SLC13A3: variants seen among roughly 807,000 people sequenced by gnomAD.
SLC13A3 encodes the protein solute carrier family 13 member 3.
SLC13A3 carries 40 observed loss-of-function variants against 59.0 expected under a neutral mutation model. The observed-to-expected ratio is 0.68, with a 90% CI of 0.53 to 0.88. The LOEUF (loss-of-function observed/expected upper bound fraction) is 0.88. SLC13A3 is among the 40% of genes least tolerant of loss of function. The pLI is 0.00. For missense variants in SLC13A3, 699 were observed against 783.2 expected (o/e 0.89, Z 1.28); for synonymous variants, 317 against 330.3 (o/e 0.96, Z 0.44).
chr20:46,607,304 T>C (rs2122730566), intron 3 of SLC13A3, among the ~76,000 whole-genome samples: 2 of 152,318 alleles, frequency 1.3e-5, no homozygotes, highest in South Asian at 4.1e-4. Context: ...GTGCTACAGA[T>C]GTCCTTCATG....
At chr20:46,639,789 A>G (rs1345627593) in intron 1 of SLC13A3, among the ~76,000 whole-genome samples, 2 of 152,228 alleles carry the variant, frequency 1.3e-5, no homozygotes, top group Non-Finnish European at 2.9e-5. Flanking sequence ...GTCAATGGCT[A>G]TGAGATGCTG....
At chr20:46,583,262 T>G (rs185065670) in intron 9 of SLC13A3, 4 of 626,982 alleles carry the variant, frequency 6.4e-6, no homozygotes, top group Middle Eastern at 6.5e-4. Context: ...CTTTCACATG[T>G]AGTAAAATGT....
intron 1 of SLC13A3, among the ~76,000 whole-genome samples, chr20:46,658,846 G>A (rs547066606): frequency 3.3e-5 from 5 of 152,276 alleles, no homozygotes; most frequent in African/African-American, 1.2e-4. Context: ...GTTATTAAAT[G>A]TGAACACACT....
At chr20:46,664,421 A>G (rs1304518180) in intron 1 of SLC13A3, among the ~76,000 whole-genome samples, 1 of 152,148 alleles carries the variant, frequency 6.6e-6, no homozygotes, top group African/African-American at 2.4e-5. Context: ...TAATATTTGA[A>G]TACCTACCAG....
chr20:46,585,310 T>C, intron 8 of SLC13A3: 2 of 994,536 alleles, frequency 2.0e-6, no homozygotes, highest in South Asian at 9.0e-5. Context: ...TGATGATCTC[T>C]GGGCAGTGGG....
At chr20:46,676,550 C>T (rs1182145765) in intron 1 of SLC13A3, among the ~76,000 whole-genome samples, 1 of 151,782 alleles carries the variant, frequency 6.6e-6, no homozygotes, top group East Asian at 1.9e-4. Context: ...CCACTGCGCC[C>T]GGCCCCTTTT....
In SLC13A3 at chr20:46,578,914, A is replaced by G. The variant is rs868626301; in HGVS notation, c.1220-3229T>C. ...AGAAGTCGTCGTCGTCGTCATCATC[A>G]TCATCATCATCATCATCATCAACTA... On this transcript the variant is annotated intron_variant, in intron 9 of 12. Transcript: ENST00000279027. 2.9e-3 allele frequency among the ~76,000 whole-genome samples: 448 copies of G among 152,090 alleles called. 6 individuals carry two copies. The highest frequency in any genetic ancestry group is 0.01 in the African/African-American group (427 of 41,478).
chr20:46,637,091 G>A (rs181071803), intron 1 of SLC13A3, among the ~76,000 whole-genome samples: 87 of 152,196 alleles, frequency 5.7e-4, no homozygotes, highest in African/African-American at 2.1e-3. Context: ...GAGCCACCGC[G>A]CCCGGCCTGA....
chr20:46,678,942 G>C (rs529397950), intron 1 of SLC13A3, among the ~76,000 whole-genome samples: 1 of 152,074 alleles, frequency 6.6e-6, no homozygotes, highest in East Asian at 1.9e-4. Context: ...AAAGGAGCCC[G>C]GCTCCTCCCC....
intron 1 of SLC13A3, among the ~76,000 whole-genome samples, chr20:46,659,712 TCC>T (rs34518362): frequency 3.8e-5 from 3 of 78,590 alleles, no homozygotes; most frequent in Non-Finnish European, 5.2e-5. Context: ...TGAGACCCTA[TCC>T]CCCCCCCCCA....
Position 46,588,118 on chromosome 20 carries a change from G to T in SLC13A3, c.1062C>A (p.Ile354=), listed in dbSNP as rs367989464. Residue 354 remains isoleucine, a synonymous_variant, in exon 8 of 13, where the codon ATC becomes ATA. Coordinates refer to ENST00000279027, the MANE Select transcript of SLC13A3 (RefSeq NM_022829.6). The part of the protein sequence containing the change: ...AVFILFCMFA[I]LLFTRDPKFI... ...ACTTCGGGTCCCGGGTGAAGAGGAG[G>T]ATGGCAAACATGCAGAAAAGGATGA... is the stretch of plus-strand genomic sequence containing the variant. 4.3e-6 allele frequency: 7 copies of T among 1,613,182 alleles called. No individual in the cohort carries two copies. Among genetic ancestry groups the T allele is most frequent in the Non-Finnish European group, 5.9e-6 (7 of 1,179,552 alleles).
chr20:46,644,721 G>C (rs952859231), intron 1 of SLC13A3, among the ~76,000 whole-genome samples: 8 of 152,120 alleles, frequency 5.3e-5, no homozygotes, highest in Non-Finnish European at 1.0e-4. Context: ...CCAAAGCCTG[G>C]AACCTTTTTG....
At chr20:46,567,236 T>C (rs2061989092) in intron 10 of SLC13A3, among the ~76,000 whole-genome samples, 1 of 152,096 alleles carries the variant, frequency 6.6e-6, no homozygotes, top group Admixed American at 6.5e-5. Flanking sequence ...CATACAGTAA[T>C]AAGGATAATT....
intron 3 of SLC13A3, chr20:46,609,082 T>C: frequency 1.3e-6 from 2 of 1,548,436 alleles, no homozygotes; most frequent in Non-Finnish European, 1.7e-6. Context: ...GAAGAATCAA[T>C]GCCGGGGTTA....
At chr20:46,602,123 G>A (rs377360387) in intron 3 of SLC13A3, among the ~76,000 whole-genome samples, 61 of 152,154 alleles carry the variant, frequency 4.0e-4, no homozygotes, top group African/African-American at 1.1e-3. Context: ...TGCTTGAGCC[G>A]AGAGTTTGAA....
intron 1 of SLC13A3, among the ~76,000 whole-genome samples, chr20:46,617,979 T>C (rs1450070633): frequency 2.6e-5 from 4 of 152,246 alleles, no homozygotes; most frequent in African/African-American, 7.2e-5. Flanking sequence ...GAGTCCTCGG[T>C]GGAGATTATA....
At chr20:46,585,709 G>A (rs1329506154) in intron 8 of SLC13A3, 2 of 1,298,418 alleles carry the variant, frequency 1.5e-6, no homozygotes, top group Non-Finnish European at 2.0e-6. Flanking sequence ...CACATTTTCT[G>A]TATTGTTGAA....
intron 3 of SLC13A3, among the ~76,000 whole-genome samples, chr20:46,608,529 A>G (rs2062459109): frequency 6.6e-6 from 1 of 152,180 alleles, no homozygotes; most frequent in Admixed American, 6.5e-5. Context: ...CCACTTTGCC[A>G]ATGCTATGAT....
At chr20:46,603,777 C>T (rs2062406431) in intron 3 of SLC13A3, among the ~76,000 whole-genome samples, 1 of 151,768 alleles carries the variant, frequency 6.6e-6, no homozygotes, top group South Asian at 2.1e-4. Context: ...GAAAACTATT[C>T]TTAGCTCCCA....
Sources: gnomAD v4.1 joint callset for allele counts (sites outside exome capture counted in the v4.1 genomes callset) on GRCh38, gnomAD v4.1.1 for gene constraint, MANE v1.5 for transcripts, NCBI Gene and HGNC (gene_info 2026-07-23, HGNC 2026-07-21) for gene names.